The following KRT86 variants were observed in gnomAD, a reference collection of about 807,000 sequenced individuals.
KRT86 encodes the protein keratin, type II cuticular Hb6.
A neutral mutation model predicts 41.2 loss-of-function variants in KRT86; 30 were observed. The ratio of observed to expected loss-of-function variants is 0.73; its 90% CI spans 0.54 to 0.99. KRT86 has a LOEUF of 0.99. Ranked by LOEUF, KRT86 falls within the 50% of genes least tolerant of loss-of-function variation. KRT86 has a pLI of 0.00. For missense variants in KRT86, 561 were observed against 571.4 expected (o/e 0.98, Z 0.19); for synonymous variants, 238 against 238.1 (o/e 1.00, Z 0.00).
chr12:52,288,194 C>A, intron 2 of KRT86: 1 of 1,596,152 alleles, frequency 6.3e-7, no homozygotes, highest in Non-Finnish European at 8.6e-7. Context: ...TACAGCCCCA[C>A]CCACCATGTC....
chr12:52,287,944 C>T (rs747851833), intron 2 of KRT86: 1 of 1,614,116 alleles, frequency 6.2e-7, no homozygotes, highest in South Asian at 1.1e-5. Context: ...ACATCCCTCC[C>T]ACTGACACGT....
chr12:52,286,457 T>TC, intron 2 of KRT86: 1 of 1,552,202 alleles, frequency 6.4e-7, no homozygotes, highest in Non-Finnish European at 8.7e-7. Flanking sequence ...CACGCAGAGG[T>TC]CCCCGCACAC....
At chr12:52,282,397 T>C (rs1937796701) in intron 2 of KRT86, among the ~76,000 whole-genome samples, 1 of 151,960 alleles carries the variant, frequency 6.6e-6, no homozygotes, top group Non-Finnish European at 1.5e-5. Flanking sequence ...CGTGATGGGC[T>C]AATTTTGTTT....
At chr12:52,280,548 C>G (rs932911711) in intron 2 of KRT86, among the ~76,000 whole-genome samples, 24 of 152,162 alleles carry the variant, frequency 1.6e-4, no homozygotes, top group African/African-American at 5.8e-4. Context: ...CTTCTGGGTG[C>G]CTGCCCAGAG....
At chr12:52,294,641 GT>G (rs1244711868) in intron 2 of KRT86, among the ~76,000 whole-genome samples, 1 of 152,100 alleles carries the variant, frequency 6.6e-6, no homozygotes, top group East Asian at 1.9e-4. Flanking sequence ...TGCATAGGTG[GT>G]TAGATCTGTA....
intron 2 of KRT86, among the ~76,000 whole-genome samples, chr12:52,281,419 GA>G (rs1937769233): frequency 6.6e-6 from 1 of 152,258 alleles, no homozygotes; most frequent in Non-Finnish European, 1.5e-5. Flanking sequence ...CCACAGAGTA[GA>G]TGTGATGGGG....
At chr12:52,293,562 G>T (rs1460252955) in intron 2 of KRT86, among the ~76,000 whole-genome samples, 2 of 152,182 alleles carry the variant, frequency 1.3e-5, no homozygotes, top group South Asian at 2.1e-4. Flanking sequence ...ACCATGAGGG[G>T]TCATTTAGGG....
chr12:52,288,141 A>T (rs6580873), intron 2 of KRT86: 38 of 1,613,996 alleles, frequency 2.4e-5, no homozygotes, highest in African/African-American at 1.3e-4. Context: ...CTGGAGAATG[A>T]GGATCTCCTG....
intron 9 of KRT86, chr12:52,306,560 G>C: frequency 1.8e-6 from 1 of 570,702 alleles, no homozygotes; most frequent in Non-Finnish European, 3.1e-6. Flanking sequence ...AAGGCTTGGG[G>C]TCAGCTTGCC....
At chr12:52,305,505 G>A in intron 7 of KRT86, 101 bp downstream of exon 7, 1 of 1,604,084 alleles carries the variant, frequency 6.2e-7, no homozygotes, top group South Asian at 1.1e-5. Flanking sequence ...CTAGGGATGA[G>A]AAGAGATGGC....
rs116518163 is a variant in KRT86 at position 52,284,338 on chromosome 12, C to T, written c.-5+8392C>T. On this transcript the variant is annotated intron_variant, in intron 2 of 10. Transcript: ENST00000423955. ...CTAAGTAGCTGGGACTATAGGTGCA[C>T]ACCACGTCGCCCAGCTAATATTTTT... Among the ~76,000 whole-genome samples, 1,113 of 152,318 alleles carry T rather than the reference C, an allele frequency of 7.3e-3. 15 individuals carry two copies. The highest frequency in any genetic ancestry group is 0.025 in the African/African-American group (1,055 of 41,564).
chr12:52,288,293 C>G (rs1938026133), intron 2 of KRT86: 1 of 1,608,916 alleles, frequency 6.2e-7, no homozygotes, highest in Admixed American at 1.7e-5. Flanking sequence ...ACATCCTGTC[C>G]AACACTCCCA....
chr12:52,275,923 G>A lies in KRT86; in HGVS notation c.-28G>A, dbSNP rs1942551669. The A allele has an allele frequency of 2.0e-6, 2 of 985,940 alleles. No homozygotes were observed. Among genetic ancestry groups the A allele is most frequent in the South Asian group, 4.7e-5 (1 of 21,292 alleles). 61.1% of individuals were successfully genotyped at this position (985,940 alleles called of 1,614,324 possible). The stretch of plus-strand genomic sequence containing the variant: ...TCAGGCCATCCAGTGGCTGACGGTG[G>A]AGGTGGGCAGTGCTGAGAGTCAGGT... On this transcript the variant is annotated 5_prime_UTR_variant, in exon 2 of 11. Transcript: ENST00000423955.
rs1371363299 is a variant in KRT86, at chr12:52,305,591, A to T, written c.901-72A>T. On this transcript the variant is annotated intron_variant, in intron 7 of 10. Transcript: ENST00000423955. ...CAGGCTGAGCACTGCACAACCTGCA[A>T]AATCATCTGTCATGCCCTGAATGGG... is the stretch of plus-strand genomic sequence containing the variant. 1.9e-6 allele frequency: 3 copies of T among 1,612,952 alleles called. No individual in the cohort carries two copies. The African/African-American group carries it at 4.0e-5, about 22-fold the overall frequency.
chr12:52,290,534 ACCC>A (rs759612226), intron 2 of KRT86, among the ~76,000 whole-genome samples: 1 of 6,122 alleles, frequency 1.6e-4, no homozygotes, highest in East Asian at 2.6e-3. Context: ...GAGTTGAGTG[ACCC>A]CCCCCCCCCA....
chr12:52,285,289 A>T (rs1297641846), intron 2 of KRT86, among the ~76,000 whole-genome samples: 4 of 151,792 alleles, frequency 2.6e-5, no homozygotes, highest in Non-Finnish European at 2.9e-5. Flanking sequence ...TCATCTTGCT[A>T]TGTGCTGTTT....
chr12:52,307,719 G>A (rs904325161), intron 9 of KRT86, among the ~76,000 whole-genome samples: 4 of 152,198 alleles, frequency 2.6e-5, no homozygotes, highest in African/African-American at 7.2e-5. Flanking sequence ...ATTGAGCCAG[G>A]CATTGTTTTT....
chr12:52,303,296 G>T lies in KRT86; in HGVS notation c.566G>T (p.Gly189Val). ...AACCACGTGCAGGAGGTGCTGGAGG[G>T]CTACAAGAAGAAGTGAGTGCGGGCA... Reference protein sequence around the residue: ...ELNHVQEVLEGYKKKYEEEVS... With the variant: ...ELNHVQEVLEVYKKKYEEEVS... The change falls in exon 4 of 11, where the codon GGC (glycine) becomes GTC (valine). Residue 189 changes from glycine (G) to valine (V), a missense_variant. Physicochemically the swap from Gly to Val is moderately radical, Grantham distance 109. This residue lies in a region of KRT86 where 397 missense variants were observed against 375.9 expected (regional missense o/e 1.06). Transcript: ENST00000423955. The T allele has an allele frequency of 2.6e-6, 1 of 391,588 alleles. No homozygotes were observed. Among genetic ancestry groups the T allele is most frequent in the Non-Finnish European group, 4.3e-6 (1 of 231,958 alleles). 24.3% of individuals were successfully genotyped at this position (391,588 alleles called of 1,614,324 possible).
At chr12:52,297,403 G>T (rs1446617829) in intron 2 of KRT86, among the ~76,000 whole-genome samples, 2 of 152,126 alleles carry the variant, frequency 1.3e-5, no homozygotes, top group Non-Finnish European at 2.9e-5. Context: ...AATTAAGACA[G>T]GATTGAGCAT....
Sources: allele counts gnomAD v4.1 joint callset (sites outside exome capture counted in the v4.1 genomes callset), GRCh38; gene constraint gnomAD v4.1.1; regional missense constraint gnomAD v4.1.1; transcripts MANE v1.5; gene names NCBI Gene and HGNC (gene_info 2026-07-23, HGNC 2026-07-21).